HCK: variants seen among roughly 807,000 people sequenced by gnomAD.
The protein encoded by HCK is tyrosine-protein kinase HCK.
HCK carries 40 observed loss-of-function variants against 70.4 expected under a neutral mutation model. The ratio of observed to expected loss-of-function variants is 0.57; its 90% CI spans 0.44 to 0.74. The LOEUF is 0.74. Among genes scored for constraint, HCK ranks in the 30% least tolerant of loss-of-function variants. The pLI is 0.00. For synonymous variants in HCK, 245 were observed against 263.2 expected (o/e 0.93, Z 0.67); for missense variants, 568 against 697.2 (o/e 0.81, Z 2.09).
chr20:32,059,432 T>TTTTC (rs397838502), intron 1 of HCK, among the ~76,000 whole-genome samples: 136 of 147,684 alleles, frequency 9.2e-4, no homozygotes, highest in African/African-American at 2.9e-3. Context: ...TTTCTTTCTT[T>TTTTC]TTTCTTTCTT....
At chr20:32,098,968 C>T (rs750178879) in intron 11 of HCK, 36 bp from the exon 12 acceptor site, 1 of 1,606,322 alleles carries the variant, frequency 6.2e-7, no homozygotes, top group Non-Finnish European at 8.5e-7. Flanking sequence ...CACTACTCCC[C>T]AGCCTTCCCC....
At chr20:32,094,751 A>AAGAAAGAAAGAAAGAGAGAAAGAAAGAG (rs1555877786) in intron 11 of HCK, among the ~76,000 whole-genome samples, 8 of 87,948 alleles carry the variant, frequency 9.1e-5, no homozygotes, top group African/African-American at 2.8e-4. Context: ...GAAAGAAAGA[A>AAGAAAGAAAGAAAGAGAGAAAGAAAGAG]AGAAAGAAAG....
At chr20:32,078,599 G>A (rs142264240) in intron 5 of HCK, among the ~76,000 whole-genome samples, 2 of 151,506 alleles carry the variant, frequency 1.3e-5, no homozygotes, top group East Asian at 4.0e-4. Flanking sequence ...GCTCATACCT[G>A]TAATCCCATC....
chr20:32,086,785 C>G lies in HCK; in HGVS notation c.993C>G (p.Ile331Met). 1 of 1,587,816 alleles carries G rather than the reference C, an allele frequency of 6.3e-7. No homozygotes were observed. The highest frequency in any genetic ancestry group is 8.6e-7 in the Non-Finnish European group (1 of 1,166,398). The change falls in exon 9 of 13, where the codon ATC becomes ATG. Residue 331 changes from isoleucine (I) to methionine (M), a missense_variant. By Grantham distance (10) the Ile-to-Met change is conservative. This residue lies in a region of HCK where 160 missense variants were observed against 237.5 expected (regional missense o/e 0.67). Coordinates refer to ENST00000375852, the MANE Select transcript of HCK (RefSeq NM_002110.5). ...TGGTCACCAAGGAGCCCATCTACAT[C>G]ATCACGGAGTTCATGGCCAAAGGTG...
chr20:32,083,329 C>G lies in HCK; in HGVS notation c.533-565C>G, dbSNP rs140490409. Among the ~76,000 whole-genome samples the G allele has an allele frequency of 2.8e-3, 419 of 152,314 alleles. 1 individual carries two copies. Among genetic ancestry groups the G allele is most frequent in the Non-Finnish European group, 4.7e-3 (323 of 68,022 alleles). On this transcript the variant is annotated intron_variant, in intron 6 of 12. Transcript: ENST00000375852. ...TATTCCCAGGTTCCAGGGTTTAGGG[C>G]ATGACTATCTTGAGGGACCACTATT...
chr20:32,059,436 C>T (rs201349302), intron 1 of HCK, among the ~76,000 whole-genome samples: 105 of 52,964 alleles, frequency 2.0e-3, no homozygotes, highest in Admixed American at 9.4e-3. Flanking sequence ...TTTCTTTTTT[C>T]TTTCTTTCTT....
At chr20:32,074,515 A>C (rs1187183289) in intron 4 of HCK, 108 bp from the exon 5 acceptor site, 1 of 767,130 alleles carries the variant, frequency 1.3e-6, no homozygotes, top group African/African-American at 1.7e-5. Context: ...CCTTCACCCT[A>C]CTGGCTTTCT....
intron 1 of HCK, among the ~76,000 whole-genome samples, chr20:32,053,049 A>G (rs1275381016): frequency 6.6e-6 from 1 of 151,740 alleles, no homozygotes; most frequent in East Asian, 1.9e-4. Flanking sequence ...CCCAGACCAC[A>G]CTGCATGCAT....
At chr20:32,065,560 G>T (rs894519431) in intron 1 of HCK, among the ~76,000 whole-genome samples, 4 of 152,194 alleles carry the variant, frequency 2.6e-5, no homozygotes, top group Non-Finnish European at 5.9e-5. Flanking sequence ...TTACCTTGAT[G>T]ATGTTGAGGT....
chr20:32,055,641 A>T (rs1169431558), intron 1 of HCK, among the ~76,000 whole-genome samples: 2 of 152,188 alleles, frequency 1.3e-5, no homozygotes, highest in African/African-American at 4.8e-5. Context: ...ATAGTTCAAA[A>T]TTTTTAGAAA....
chr20:32,085,462 C>T (rs1014453183), intron 8 of HCK, among the ~76,000 whole-genome samples: 14 of 151,800 alleles, frequency 9.2e-5, no homozygotes, highest in Admixed American at 3.3e-4. Context: ...TGCAGGGAAC[C>T]GAGATCGCAC....
At chr20:32,054,935 G>A (rs1004944772) in intron 1 of HCK, among the ~76,000 whole-genome samples, 2 of 152,202 alleles carry the variant, frequency 1.3e-5, no homozygotes, top group Non-Finnish European at 2.9e-5. Context: ...ATGAGAAATA[G>A]AAAATAGAGG....
intron 6 of HCK, among the ~76,000 whole-genome samples, chr20:32,083,478 G>A (rs1029937010): frequency 6.6e-6 from 1 of 152,170 alleles, no homozygotes. Context: ...TTGGCTTTTT[G>A]TAGGGTAGAT....
chr20:32,069,816 G>A (rs6089164), intron 1 of HCK: 90,510 of 1,194,890 alleles, frequency 0.076, 8,347 homozygotes, highest in African/African-American at 0.44. Context: ...AAGCCTAGGA[G>A]TTTGGGGTTT....
intron 1 of HCK, among the ~76,000 whole-genome samples, chr20:32,059,272 G>C (rs1269498862): frequency 1.4e-5 from 1 of 72,770 alleles, no homozygotes; most frequent in Non-Finnish European, 2.6e-5. Context: ...TATCTGTAAT[G>C]TTTTAATCTT....
In HCK at chr20:32,074,667, AG is replaced by A. The variant is rs775994792; in HGVS notation, c.377del (p.Gly126AlafsTer44). 1.2e-5 allele frequency: 19 copies of A among 1,613,918 alleles called. No individual in the cohort carries two copies. Among genetic ancestry groups the A allele is most frequent in the Non-Finnish European group, 1.6e-5 (19 of 1,179,944 alleles). ...GCTCGATCCCTGGCCACCCGGAAGG[AG>A]GGCTACATCCCAAGCAACTATGTCG... On this transcript the variant is annotated frameshift_variant, in exon 5 of 13. Coordinates refer to ENST00000375852, the MANE Select transcript of HCK (RefSeq NM_002110.5). LOFTEE classifies it high-confidence loss of function.
chr20:32,075,744 T>TCAC (rs2045614634), intron 5 of HCK, among the ~76,000 whole-genome samples: 4 of 147,204 alleles, frequency 2.7e-5, no homozygotes, highest in African/African-American at 1.1e-4. Flanking sequence ...CCATCCATCA[T>TCAC]CCAACAGATA....
rs567635247 is a variant in HCK, at chr20:32,091,189, G to A, written c.1092+2545G>A. Reference sequence around the variant, plus strand: ...CATCCCTGCCCCATCGAGCTCCTGTGAAAATCAGTAGCATATGAGCATCTG... The same window carrying A: ...CATCCCTGCCCCATCGAGCTCCTGTAAAAATCAGTAGCATATGAGCATCTG... On this transcript the variant is annotated intron_variant, in intron 10 of 12. Coordinates refer to ENST00000375852, the MANE Select transcript of HCK (RefSeq NM_002110.5). Among the ~76,000 whole-genome samples the A allele has an allele frequency of 8.9e-4, 136 of 152,330 alleles. 1 individual carries two copies. Among genetic ancestry groups the A allele is most frequent in the Middle Eastern group, 3.4e-3 (1 of 294 alleles).
intron 1 of HCK, chr20:32,069,744 C>A (rs1366283050): frequency 7.8e-7 from 1 of 1,275,142 alleles, no homozygotes; most frequent in Non-Finnish European, 1.0e-6. Context: ...CAGTTCCCAC[C>A]AGAAGAGGTA....
Sources: gnomAD v4.1 joint callset for allele counts (sites outside exome capture counted in the v4.1 genomes callset) on GRCh38, gnomAD v4.1.1 for gene constraint, gnomAD v4.1.1 regional missense constraint, MANE v1.5 for transcripts, NCBI Gene and HGNC (gene_info 2026-07-23, HGNC 2026-07-21) for gene names.